Variants in ANKRD13C observed in about 807,000 individuals in gnomAD.
ANKRD13C encodes the protein ankyrin repeat domain 13C, also known as ankyrin repeat domain-containing protein 13C.
ANKRD13C carries 16 observed loss-of-function variants against 65.5 expected under a neutral mutation model. The ratio of observed to expected loss-of-function variants is 0.24; its 90% CI spans 0.17 to 0.37. The LOEUF is 0.37. Among genes scored for constraint, ANKRD13C ranks in the 10% least tolerant of loss-of-function variants. The probability of loss-of-function intolerance (pLI) is 1.00; values close to 1 mark genes in which losing one functional copy is unlikely to be tolerated. For synonymous variants in ANKRD13C, 235 were observed against 238.7 expected, an observed-to-expected ratio of 0.98 and a Z score of 0.14; for missense variants, 503 against 655.9, an observed-to-expected ratio of 0.77 and a Z score of 2.55.
At chr1:70,301,845 C>T (rs920207747) in intron 6 of ANKRD13C, among the ~76,000 whole-genome samples, 1 of 152,170 alleles carries the variant, frequency 6.6e-6, no homozygotes, top group African/African-American at 2.4e-5. Flanking sequence ...CTTTATAAAT[C>T]ACCAGATCAG....
At chr1:70,287,350 C>A (rs1679666377) in intron 9 of ANKRD13C, among the ~76,000 whole-genome samples, 1 of 151,690 alleles carries the variant, frequency 6.6e-6, no homozygotes, top group South Asian at 2.1e-4. Flanking sequence ...GAACAGACTT[C>A]TCAAAAAATG....
rs1211491342 is a variant in ANKRD13C, at chr1:70,262,084, C to T, written c.*633G>A. The stretch of plus-strand genomic sequence containing the variant: ...CCTTATTCCCTGCAGAGTGAACGCT[C>T]CTTCTGAAATGTATTGCAACATATA... On this transcript the variant is annotated 3_prime_UTR_variant, in exon 13 of 13. Coordinates refer to ENST00000370944, the MANE Select transcript of ANKRD13C (RefSeq NM_030816.5). 6.6e-6 allele frequency: 1 copy of T among 152,558 alleles called. No individual in the cohort carries two copies. Among genetic ancestry groups the T allele is most frequent in the African/African-American group, 2.4e-5 (1 of 41,442 alleles). The allele number at this position is 152,558 out of a possible 1,614,324, so 9.5% of individuals were successfully genotyped here. A position where few individuals can be genotyped will look rare whatever the true frequency, so the allele number is the denominator to read the frequency against.
intron 7 of ANKRD13C, among the ~76,000 whole-genome samples, chr1:70,300,101 G>A (rs756649995): frequency 2.6e-4 from 40 of 152,124 alleles, no homozygotes; most frequent in Non-Finnish European, 4.6e-4. Flanking sequence ...ATAAAATAAA[G>A]ATGGTCAACA....
chr1:70,291,236 G>T (rs902063177), intron 9 of ANKRD13C, among the ~76,000 whole-genome samples: 7 of 151,970 alleles, frequency 4.6e-5, no homozygotes, highest in Non-Finnish European at 1.0e-4. Context: ...GGCCAAGCTG[G>T]TCTTGAACTC....
At chr1:70,345,286 G>A (rs372628999) in intron 1 of ANKRD13C, among the ~76,000 whole-genome samples, 20 of 152,020 alleles carry the variant, frequency 1.3e-4, no homozygotes, top group South Asian at 1.2e-3. Context: ...AAAATTAGCC[G>A]GGCGTGGTGG....
intron 9 of ANKRD13C, among the ~76,000 whole-genome samples, chr1:70,290,366 C>A (rs1393492404): frequency 6.6e-6 from 1 of 152,132 alleles, no homozygotes; most frequent in African/African-American, 2.4e-5. Flanking sequence ...GCAATTCAAG[C>A]CTCTTTGTAG....
At chr1:70,328,875 AAAAC>A (rs2101558447) in intron 2 of ANKRD13C, among the ~76,000 whole-genome samples, 1 of 152,352 alleles carries the variant, frequency 6.6e-6, no homozygotes, top group East Asian at 1.9e-4. Flanking sequence ...AAAAAGAATA[AAAAC>A]AAACGGACCC....
chr1:70,276,992 G>C, intron 9 of ANKRD13C, 148 bp from the exon 10 acceptor site: 1 of 642,264 alleles, frequency 1.6e-6, no homozygotes, highest in East Asian at 2.9e-5. Context: ...TTCCTTCCAA[G>C]ATCGTTCCAT....
Position 70,262,095 on chromosome 1 carries a change from G to A in ANKRD13C, c.*622C>T, listed in dbSNP as rs563483517. 2.0e-5 allele frequency: 3 copies of A among 152,670 alleles called. No individual in the cohort carries two copies. Among genetic ancestry groups the A allele is most frequent in the African/African-American group, 4.8e-5 (2 of 41,554 alleles). 9.5% of individuals were successfully genotyped at this position (152,670 alleles called of 1,614,324 possible). On this transcript the variant is annotated 3_prime_UTR_variant, in exon 13 of 13. Coordinates refer to ENST00000370944, the MANE Select transcript of ANKRD13C (RefSeq NM_030816.5). ...GCAGAGTGAACGCTCCTTCTGAAATGTATTGCAACATATAAATGCAATTGT... is the reference window on the plus strand; with the variant it reads ...GCAGAGTGAACGCTCCTTCTGAAATATATTGCAACATATAAATGCAATTGT...
Position 70,354,322 on chromosome 1 carries a change from TTCC to T in ANKRD13C, c.84_86del (p.Glu29del). ...AGGTACCGCCGAGGGCAGCCGCCGC[TTCC>T]TCATCCCCGGGCTCCAGCAGGTCCC... On this transcript the variant is annotated inframe_deletion, in exon 1 of 13. Coordinates refer to ENST00000370944, the MANE Select transcript of ANKRD13C (RefSeq NM_030816.5). The T allele has an allele frequency of 3.1e-6, 5 of 1,614,018 alleles. No individual in the cohort carries two copies. The highest frequency in any genetic ancestry group is 4.2e-6 in the Non-Finnish European group (5 of 1,179,996).
intron 5 of ANKRD13C, among the ~76,000 whole-genome samples, chr1:70,308,634 G>A (rs1024317146): frequency 6.6e-6 from 1 of 151,306 alleles, no homozygotes; most frequent in South Asian, 2.1e-4. Context: ...AGCTACTCAG[G>A]AGGCTGAGGC....
chr1:70,327,867 C>T (rs1558303959), intron 2 of ANKRD13C, among the ~76,000 whole-genome samples: 1 of 151,944 alleles, frequency 6.6e-6, no homozygotes, highest in Non-Finnish European at 1.5e-5. Flanking sequence ...GAGTTTGAGA[C>T]CAACGTGGCC....
chr1:70,262,914 T>TC, intron 12 of ANKRD13C, 67 bp from the exon 13 acceptor site: 1 of 1,257,862 alleles, frequency 8.0e-7, no homozygotes, highest in African/African-American at 1.6e-5. Flanking sequence ...TACAAAGTAC[T>TC]ATTGGAGATG....
intron 1 of ANKRD13C, among the ~76,000 whole-genome samples, chr1:70,344,858 A>G (rs1327682882): frequency 6.6e-6 from 1 of 152,014 alleles, no homozygotes; most frequent in Non-Finnish European, 1.5e-5. Flanking sequence ...TAAATGTATT[A>G]ATTTTAGAAC....
At chr1:70,328,456 A>G (rs2101556323) in intron 2 of ANKRD13C, among the ~76,000 whole-genome samples, 3 of 152,292 alleles carry the variant, frequency 2.0e-5, no homozygotes, top group Middle Eastern at 6.8e-3. Flanking sequence ...TGAGGTCGGG[A>G]GTTCAAGACC....
chr1:70,306,024 G>T lies in ANKRD13C; in HGVS notation c.776+200C>A, dbSNP rs935105037. On this transcript the variant is annotated intron_variant, in intron 6 of 12. Transcript: ENST00000370944. ...TTTATGTCTTTTCCACTTTGAGTTT[G>T]TTCTCTAAGTAATAAAAAAATAAAA... 1.4e-5 allele frequency: 4 copies of T among 291,914 alleles called. No homozygotes were observed. The Admixed American group carries it at 1.5e-4, about 11-fold the overall frequency. 18.1% of individuals were successfully genotyped at this position (291,914 alleles called of 1,614,324 possible).
chr1:70,331,154 CAG>C (rs1681778896), intron 2 of ANKRD13C, among the ~76,000 whole-genome samples: 1 of 152,312 alleles, frequency 6.6e-6, no homozygotes, highest in Non-Finnish European at 1.5e-5. Flanking sequence ...AGTACAGAAA[CAG>C]AACGTGCCCT....
chr1:70,284,343 TAAG>T (rs1018888723), intron 9 of ANKRD13C, among the ~76,000 whole-genome samples: 3 of 151,982 alleles, frequency 2.0e-5, no homozygotes, highest in Non-Finnish European at 4.4e-5. Flanking sequence ...TTGAAAAAAA[TAAG>T]AAATCATATA....
At chr1:70,291,001 T>C (rs1679841646) in intron 9 of ANKRD13C, among the ~76,000 whole-genome samples, 1 of 152,120 alleles carries the variant, frequency 6.6e-6, no homozygotes, top group Admixed American at 6.6e-5. Context: ...AAAACAGTGC[T>C]ATACAAATGG....
Sources: gnomAD v4.1 joint callset for allele counts (sites outside exome capture counted in the v4.1 genomes callset) on GRCh38, gnomAD v4.1.1 for gene constraint, MANE v1.5 for transcripts, NCBI Gene and HGNC (gene_info 2026-07-23, HGNC 2026-07-21) for gene names.